ZNF444: variants seen among roughly 807,000 people sequenced by gnomAD.
The protein encoded by ZNF444 is endothelial zinc finger protein 2.
A neutral mutation model predicts 14.4 loss-of-function variants in ZNF444; 8 were observed. The observed-to-expected ratio is 0.56, with a 90% confidence interval of 0.33 to 1.00. ZNF444 has a LOEUF of 1.00. ZNF444 is among the 50% of genes least tolerant of loss of function. The probability of loss-of-function intolerance (pLI) is 0.03; values close to 1 mark genes in which losing one functional copy is unlikely to be tolerated. For synonymous variants in ZNF444, 258 were observed against 235.9 expected, an observed-to-expected ratio of 1.09 and a Z score of -0.86; for missense variants, 510 against 504.8, an observed-to-expected ratio of 1.01 and a Z score of -0.10.
rs937457690 is a variant in ZNF444 at position 56,160,255 on chromosome 19, C to T, written c.*54C>T. On this transcript the variant is annotated 3_prime_UTR_variant, in exon 5 of 5. Transcript: ENST00000337080. ...CCTTGGTGCTGCCCCCGGGCGGTAC[C>T]TGCTCTCTCCCAGCGCCACTTGGCC... 1.5e-6 allele frequency: 2 copies of T among 1,353,400 alleles called. No individual in the cohort carries two copies. Among genetic ancestry groups the T allele is most frequent in the Non-Finnish European group, 1.9e-6 (2 of 1,048,792 alleles). The allele number at this position is 1,353,400 out of a possible 1,614,324, so 83.8% of individuals were successfully genotyped here.
At chr19:56,150,405 C>T (rs1350775016) in intron 3 of ZNF444, 1 of 343,554 alleles carries the variant, frequency 2.9e-6, no homozygotes, top group Non-Finnish European at 5.7e-6. Flanking sequence ...CCTGCGTTCT[C>T]TGCTTGCTCC....
upstream of ZNF444, among the ~76,000 whole-genome samples, chr19:56,138,792 C>CTTTTTTTT (rs59273024): frequency 6.5e-5 from 6 of 92,846 alleles, 1 homozygote; most frequent in South Asian, 3.7e-4. Flanking sequence ...CTTGAATGTA[C>CTTTTTTTT]TTTTTTTTTT....
In ZNF444 at chr19:56,160,071, A is replaced by G; in HGVS notation, c.854A>G (p.Lys285Arg). 2 of 1,504,466 alleles carry G rather than the reference A, an allele frequency of 1.3e-6. No homozygotes were observed. The highest frequency in any genetic ancestry group is 1.8e-6 in the Non-Finnish European group (2 of 1,131,654). The allele number at this position is 1,504,466 out of a possible 1,614,324, so 93.2% of individuals were successfully genotyped here. ...ARPFACWECG[K>R]GFGRREHVLR... ...CCCTTTGCCTGCTGGGAGTGTGGCA[A>G]GGGCTTCGGGCGCCGCGAGCACGTG... Residue 285 changes from lysine (K) to arginine (R), a missense_variant, in exon 5 of 5, where the codon AAG becomes AGG. Coordinates refer to ENST00000337080, the MANE Select transcript of ZNF444 (RefSeq NM_018337.4).
At chr19:56,140,591 A>G (rs1486485160), upstream of ZNF444, among the ~76,000 whole-genome samples, 2 of 152,104 alleles carry the variant, frequency 1.3e-5, no homozygotes, top group African/African-American at 4.8e-5. Flanking sequence ...CTCCTGAGCC[A>G]CTGCCCACCC....
intron 1 of ZNF444, 64 bp downstream of exon 1, chr19:56,141,421 G>A (rs925121126): frequency 8.3e-6 from 1 of 120,360 alleles, no homozygotes; most frequent in Non-Finnish European, 1.7e-5. Flanking sequence ...GGGACCAGAG[G>A]TTGGATGGGA....
intron 2 of ZNF444, among the ~76,000 whole-genome samples, 187 bp from the exon 3 acceptor site, chr19:56,146,703 C>T (rs188265561): frequency 1.1e-3 from 162 of 152,296 alleles, no homozygotes; most frequent in African/African-American, 3.8e-3. Context: ...GCAGGAGAAT[C>T]GCCTGAACCC....
intron 4 of ZNF444, 54 bp downstream of exon 4, chr19:56,158,656 G>T: frequency 6.9e-7 from 1 of 1,459,516 alleles, no homozygotes; most frequent in South Asian, 1.3e-5. Flanking sequence ...CCGGGGAGGG[G>T]GTTCAGTGAA....
At position 56,147,421 on chromosome 19, in the gene ZNF444, AC is replaced by A. The variant is rs1343178588; in HGVS notation, c.297+216del. Reference sequence around the variant, plus strand: ...AGCTGCAAGTCAGGAGGGCCCCAAGACCCTGGCATACTTGCGAGTTCTCTAG... The same window carrying A: ...AGCTGCAAGTCAGGAGGGCCCCAAGACCTGGCATACTTGCGAGTTCTCTAG... On this transcript the variant is annotated intron_variant, in intron 3 of 4. Transcript: ENST00000337080. This position sits in a 1 kb window ranked among gnomAD's most constrained non-coding sequence, Gnocchi z 5.9. 1.3e-5 allele frequency among the ~76,000 whole-genome samples: 2 copies of A among 151,976 alleles called. No homozygotes were observed. Among genetic ancestry groups the A allele is most frequent in the Non-Finnish European group, 2.9e-5 (2 of 67,976 alleles).
chr19:56,133,411 G>A (rs2030535298), intron 1 of ZNF444, among the ~76,000 whole-genome samples: 1 of 152,118 alleles, frequency 6.6e-6, no homozygotes, highest in Admixed American at 6.6e-5. Context: ...TCATCTGTGA[G>A]AGAGACTCAG....
Position 56,159,671 on chromosome 19 carries a change from G to A in ZNF444, c.454G>A (p.Ala152Thr). 3 of 1,511,960 alleles carry A rather than the reference G, an allele frequency of 2.0e-6. No individual in the cohort carries two copies. 93.7% of individuals were successfully genotyped at this position (1,511,960 alleles called of 1,614,324 possible). ...GGGGCCGGCGCCTGGGGACTCCCAG[G>A]CTGTGCGCCCCTACAAGCAGGAGCC... ...AEGPAPGDSQAVRPYKQEPSS... is the reference protein window; with the variant it reads ...AEGPAPGDSQTVRPYKQEPSS... Residue 152 changes from alanine to threonine, a missense_variant, in exon 5 of 5, where the codon GCT becomes ACT. Coordinates refer to ENST00000337080, the MANE Select transcript of ZNF444 (RefSeq NM_018337.4).
At chr19:56,133,008 G>A in intron 1 of ZNF444, among the ~76,000 whole-genome samples, 1 of 129,608 alleles carries the variant, frequency 7.7e-6, no homozygotes, top group East Asian at 2.4e-4. Flanking sequence ...TGCGATCTTG[G>A]CTCACTGCAA....
intron 3 of ZNF444, among the ~76,000 whole-genome samples, chr19:56,148,527 A>G (rs1038667930): frequency 1.3e-5 from 2 of 152,106 alleles, no homozygotes; most frequent in African/African-American, 2.4e-5. Flanking sequence ...AGCTCCCGTC[A>G]AGGCTGCCAG....
chr19:56,158,694 GGACA>G, intron 4 of ZNF444, 92 bp downstream of exon 4: 4 of 1,138,650 alleles, frequency 3.5e-6, no homozygotes, highest in Non-Finnish European at 4.9e-6. Flanking sequence ...CCCAGGACAA[GGACA>G]GACTTGGACC....
intron 4 of ZNF444, 128 bp downstream of exon 4, chr19:56,158,730 G>A: frequency 1.2e-6 from 1 of 838,612 alleles, no homozygotes; most frequent in Non-Finnish European, 1.8e-6. Flanking sequence ...GGAGCCCCGG[G>A]GTTCGGACCC....
intron 3 of ZNF444, among the ~76,000 whole-genome samples, chr19:56,152,796 T>C (rs765134546): frequency 4.7e-4 from 72 of 151,954 alleles, no homozygotes; most frequent in Non-Finnish European, 8.1e-4. Context: ...TGAAGGGGTC[T>C]CTCTGGGGTC....
chr19:56,153,406 AG>A (rs1568559138), intron 3 of ZNF444, among the ~76,000 whole-genome samples: 1 of 152,170 alleles, frequency 6.6e-6, no homozygotes, highest in Non-Finnish European at 1.5e-5. Flanking sequence ...GGCACATAGT[AG>A]GTGCTACAAA....
Position 56,160,420 on chromosome 19 carries a change from C to G in ZNF444, c.*219C>G, listed in dbSNP as rs373873984. The G allele has an allele frequency of 1.0e-4, 50 of 482,258 alleles. No individual in the cohort carries two copies. Among genetic ancestry groups the G allele is most frequent in the East Asian group, 8.4e-4 (23 of 27,270 alleles). 29.9% of individuals were successfully genotyped at this position (482,258 alleles called of 1,614,324 possible). On this transcript the variant is annotated 3_prime_UTR_variant, in exon 5 of 5. Transcript: ENST00000337080. ...TTCTCAGGTCTCACCTCAGCCCCCCCCTTCTCCCTGATTTCTCGGCCTCTC... is the reference window on the plus strand; with the variant it reads ...TTCTCAGGTCTCACCTCAGCCCCCCGCTTCTCCCTGATTTCTCGGCCTCTC...
intron 4 of ZNF444, 40 bp from the exon 5 acceptor site, chr19:56,159,584 C>G (rs1342279333): frequency 7.1e-7 from 1 of 1,416,844 alleles, no homozygotes; most frequent in Admixed American, 3.0e-5. Flanking sequence ...TTGCCCCGCC[C>G]TCGTGCCGAC....
chr19:56,147,073 C>T lies in ZNF444; in HGVS notation c.162C>T (p.His54=), dbSNP rs1222345547. Residue 54 remains histidine (H), a synonymous_variant, in exon 3 of 5, where the codon CAC becomes CAT. Coordinates refer to ENST00000337080, the MANE Select transcript of ZNF444 (RefSeq NM_018337.4). This position sits in a 1 kb window ranked among gnomAD's most constrained non-coding sequence, Gnocchi z 5.9. ...LCRDWLRPEV[H]TKEQMLELLV... The stretch of plus-strand genomic sequence containing the variant: ...GGGACTGGCTGCGGCCCGAGGTGCA[C>T]ACCAAGGAGCAGATGTTGGAGCTGC... 1 of 1,584,496 alleles carries T rather than the reference C, an allele frequency of 6.3e-7. No homozygotes were observed.
Sources: gnomAD v4.1 joint callset for allele counts (sites outside exome capture counted in the v4.1 genomes callset) on GRCh38, gnomAD v4.1.1 for gene constraint, Gnocchi (gnomAD v3.1) non-coding constraint, MANE v1.5 for transcripts, NCBI Gene and HGNC (gene_info 2026-07-23, HGNC 2026-07-21) for gene names.